Variants in BORCS5 observed in about 807,000 individuals in gnomAD.
BORCS5 encodes BLOC-1 related complex subunit 5.
A neutral mutation model predicts 22.1 loss-of-function variants in BORCS5; 17 were observed. That is an observed-to-expected ratio of 0.77 (90% CI 0.53 to 1.15). BORCS5 has a LOEUF of 1.15. BORCS5 is among the 50% of genes most tolerant of loss of function. The pLI, the probability that BORCS5 is intolerant of heterozygous loss-of-function variation, is 0.00. For missense variants in BORCS5, 247 were observed against 253.2 expected (o/e 0.98, Z 0.17); for synonymous variants, 117 against 99.8 (o/e 1.17, Z -1.03).
At chr12:12,384,281 C>T (rs1863835117) in intron 2 of BORCS5, among the ~76,000 whole-genome samples, 1 of 150,712 alleles carries the variant, frequency 6.6e-6, no homozygotes, top group South Asian at 2.1e-4. Flanking sequence ...CGTGCCTGGC[C>T]TGCTTTTTAA....
chr12:12,465,822 C>G lies in BORCS5; in HGVS notation c.*46C>G. The G allele has an allele frequency of 6.6e-7, 1 of 1,516,560 alleles. No homozygotes were observed. The highest frequency in any genetic ancestry group is 9.0e-7 in the Non-Finnish European group (1 of 1,109,130). 93.9% of individuals were successfully genotyped at this position (1,516,560 alleles called of 1,614,324 possible). ...GGCTGGGAGCCCCAGACACCGACAC[C>G]CTGAGGACGTGTGGAGCTAAGGTCA... On this transcript the variant is annotated 3_prime_UTR_variant, in exon 4 of 4. Transcript: ENST00000314565.
At chr12:12,438,379 A>C (rs796584496) in intron 3 of BORCS5, among the ~76,000 whole-genome samples, 8 of 121,500 alleles carry the variant, frequency 6.6e-5, no homozygotes, top group African/African-American at 3.7e-4. Flanking sequence ...AAAAAAAAAA[A>C]ACGAAAAACA....
At chr12:12,404,268 G>A (rs1033222882) in intron 2 of BORCS5, among the ~76,000 whole-genome samples, 3 of 152,312 alleles carry the variant, frequency 2.0e-5, no homozygotes, top group Admixed American at 2.0e-4. Flanking sequence ...GCCCAAGGGA[G>A]CACTGTCTTG....
At chr12:12,433,902 G>C (rs550591628) in intron 2 of BORCS5, among the ~76,000 whole-genome samples, 2 of 152,176 alleles carry the variant, frequency 1.3e-5, no homozygotes, top group East Asian at 3.8e-4. Flanking sequence ...AGCCTGTCTG[G>C]AGGGAGAGAA....
chr12:12,361,182 T>G, intron 1 of BORCS5, 24 bp from the exon 2 acceptor site: 2 of 1,611,754 alleles, frequency 1.2e-6, no homozygotes, highest in Non-Finnish European at 1.7e-6. Context: ...ATGCATCTCC[T>G]AAGCAGTGTA....
chr12:12,408,027 T>C (rs1941632960), intron 2 of BORCS5, among the ~76,000 whole-genome samples: 1 of 152,222 alleles, frequency 6.6e-6, no homozygotes, highest in South Asian at 2.1e-4. Flanking sequence ...CTATTCTGTA[T>C]GTTTCTTGTA....
rs76314241 is a variant in BORCS5 at position 12,471,089 on chromosome 12, C to T, written c.*5313C>T. Among the ~76,000 whole-genome samples, 1,337 of 152,256 alleles carry T rather than the reference C, an allele frequency of 8.8e-3. 23 individuals carry two copies. Among genetic ancestry groups the T allele is most frequent in the African/African-American group, 0.03 (1,250 of 41,524 alleles). On this transcript the variant is annotated 3_prime_UTR_variant, in exon 4 of 4. Coordinates refer to ENST00000314565, the MANE Select transcript of BORCS5 (RefSeq NM_058169.6). ...TATTTGCCTGTCACATTGCTTCTACCGGCCACATCCTGCATTTCCTGTGGG... is the reference window on the plus strand; with the variant it reads ...TATTTGCCTGTCACATTGCTTCTACTGGCCACATCCTGCATTTCCTGTGGG...
chr12:12,357,579 C>T, intron 1 of BORCS5, 70 bp downstream of exon 1: 1 of 1,533,368 alleles, frequency 6.5e-7, no homozygotes, highest in Non-Finnish European at 8.9e-7. Flanking sequence ...GCCTCCCAGA[C>T]TAGGGTCAGG....
intron 3 of BORCS5, among the ~76,000 whole-genome samples, chr12:12,444,397 C>T (rs1344346419): frequency 1.3e-5 from 2 of 152,106 alleles, no homozygotes; most frequent in Admixed American, 6.6e-5. Flanking sequence ...GTGGCTCTGC[C>T]GTCCCCAAAG....
chr12:12,397,435 C>G (rs1282730191), intron 2 of BORCS5, among the ~76,000 whole-genome samples: 2 of 152,240 alleles, frequency 1.3e-5, no homozygotes, highest in Non-Finnish European at 1.5e-5. Context: ...CAGGAACAGC[C>G]TACGCTGGGA....
intron 2 of BORCS5, among the ~76,000 whole-genome samples, chr12:12,414,918 G>A (rs1467565638): frequency 1.2e-4 from 18 of 145,668 alleles, no homozygotes; most frequent in Non-Finnish European, 1.7e-4. Context: ...ACAGGGCGGC[G>A]GGGCAGAGGT....
Position 12,378,602 on chromosome 12 carries a change from A to G in BORCS5, c.202+17253A>G, listed in dbSNP as rs1206443958. ...GACAAGGAACAATTGAAGAATTATCACAGATTTAAGGAGACTAAGGAGACA... is the reference window on the plus strand; with the variant it reads ...GACAAGGAACAATTGAAGAATTATCGCAGATTTAAGGAGACTAAGGAGACA... On this transcript the variant is annotated intron_variant, in intron 2 of 3. Coordinates refer to ENST00000314565, the MANE Select transcript of BORCS5 (RefSeq NM_058169.6). Among the ~76,000 whole-genome samples the G allele has an allele frequency of 1.4e-5, 2 of 142,712 alleles. 1 individual carries two copies. Among genetic ancestry groups the G allele is most frequent in the African/African-American group, 5.1e-5 (2 of 39,222 alleles). 93.6% of individuals were successfully genotyped at this position (142,712 alleles called of 152,430 possible). A position where few individuals can be genotyped will look rare whatever the true frequency, so the allele number is the denominator to read the frequency against.
chr12:12,404,776 G>A (rs1296427429), intron 2 of BORCS5, among the ~76,000 whole-genome samples: 1 of 152,168 alleles, frequency 6.6e-6, no homozygotes, highest in Non-Finnish European at 1.5e-5. Flanking sequence ...TCAGCCCACT[G>A]AAATCTCTGC....
intron 2 of BORCS5, among the ~76,000 whole-genome samples, chr12:12,395,435 A>ATTTTTT (rs59277387): frequency 4.7e-4 from 51 of 107,820 alleles, no homozygotes; most frequent in African/African-American, 6.5e-4. Context: ...CACCCAGCTA[A>ATTTTTT]TTTTTTTTTT....
chr12:12,372,096 A>G (rs1385667511), intron 2 of BORCS5, among the ~76,000 whole-genome samples: 1 of 151,162 alleles, frequency 6.6e-6, no homozygotes, highest in African/African-American at 2.4e-5. Context: ...CTGGAGTGCA[A>G]TGGCACGATG....
chr12:12,390,898 C>T (rs550945904), intron 2 of BORCS5, among the ~76,000 whole-genome samples: 4 of 152,116 alleles, frequency 2.6e-5, no homozygotes, highest in Non-Finnish European at 2.9e-5. Context: ...TAAGCCACCA[C>T]GCCCGGCCTA....
At chr12:12,426,357 AT>A (rs1249330654) in intron 2 of BORCS5, among the ~76,000 whole-genome samples, 1 of 152,164 alleles carries the variant, frequency 6.6e-6, no homozygotes, top group Non-Finnish European at 1.5e-5. Flanking sequence ...AGCCTATTCC[AT>A]TTTACTTAAT....
intron 2 of BORCS5, among the ~76,000 whole-genome samples, chr12:12,420,514 T>A (rs1193230352): frequency 6.6e-6 from 1 of 152,132 alleles, no homozygotes; most frequent in Admixed American, 6.6e-5. Context: ...CTTAGGATTG[T>A]CTTGGCAATG....
At chr12:12,430,151 A>ATTTCTTTTTTT (rs1942384881) in intron 2 of BORCS5, among the ~76,000 whole-genome samples, 1 of 107,748 alleles carries the variant, frequency 9.3e-6, no homozygotes, top group South Asian at 2.6e-4. Flanking sequence ...CTTAGAGAAA[A>ATTTCTTTTTTT]TTTTTTTTTT....
Sources: gnomAD v4.1 joint callset for allele counts (sites outside exome capture counted in the v4.1 genomes callset) on GRCh38, gnomAD v4.1.1 for gene constraint, MANE v1.5 for transcripts, NCBI Gene and HGNC (gene_info 2026-07-23, HGNC 2026-07-21) for gene names.